Variants in PDZRN4 observed in about 807,000 individuals in gnomAD.
PDZRN4 encodes the protein PDZ domain-containing RING finger protein 4.
In PDZRN4, 70 loss-of-function variants were observed where a neutral mutation model predicts 99.0. That is an observed-to-expected ratio of 0.71 (90% CI 0.58 to 0.86). The LOEUF (loss-of-function observed/expected upper bound fraction) is 0.86, where lower values mean the gene tolerates loss of function less well. Ranked by LOEUF, PDZRN4 falls within the 40% of genes least tolerant of loss-of-function variation. The pLI is 0.00. For missense variants in PDZRN4, 1,474 were observed against 1,331.2 expected, an observed-to-expected ratio of 1.11 and a Z score of -1.67; for synonymous variants, 551 against 501.6, an observed-to-expected ratio of 1.10 and a Z score of -1.32.
rs567640712 is a variant in PDZRN4 at position 41,310,860 on chromosome 12, A to G, written c.843+116672A>G. ...GGCAAGTGGTTCTAACATACATAAA[A>G]GGGTTTTTTGTATGTTCGTAAAGTT... is the stretch of plus-strand genomic sequence containing the variant. On this transcript the variant is annotated intron_variant, in intron 3 of 9. Coordinates refer to ENST00000402685, the MANE Select transcript of PDZRN4 (RefSeq NM_001164595.2). 2.6e-4 allele frequency among the ~76,000 whole-genome samples: 39 copies of G among 152,264 alleles called. 1 individual carries two copies. The highest frequency in any genetic ancestry group is 8.9e-4 in the African/African-American group (37 of 41,570).
intron 3 of PDZRN4, among the ~76,000 whole-genome samples, chr12:41,364,285 C>G (rs1951982378): frequency 6.6e-6 from 1 of 152,010 alleles, no homozygotes; most frequent in Admixed American, 6.6e-5. Flanking sequence ...TAATTATTAT[C>G]CAGTAAGCTT....
intron 3 of PDZRN4, among the ~76,000 whole-genome samples, chr12:41,258,386 G>C (rs1166008105): frequency 1.3e-5 from 2 of 152,116 alleles, no homozygotes; most frequent in African/African-American, 4.8e-5. Context: ...TAGAAAGAGT[G>C]AGACAAAGAC....
At chr12:41,248,101 A>G (rs1014361497) in intron 3 of PDZRN4, among the ~76,000 whole-genome samples, 1 of 152,138 alleles carries the variant, frequency 6.6e-6, no homozygotes, top group Non-Finnish European at 1.5e-5. Context: ...TGATATTTAA[A>G]CCGATGTTGC....
intron 3 of PDZRN4, among the ~76,000 whole-genome samples, chr12:41,209,887 G>T (rs1248023339): frequency 6.7e-6 from 1 of 148,282 alleles, no homozygotes; most frequent in East Asian, 2.0e-4. Flanking sequence ...GGGTCAAATG[G>T]TATTTCTTGT....
Position 41,402,190 on chromosome 12 carries a change from TAC to T in PDZRN4, c.844-104257_844-104256del, listed in dbSNP as rs375050864. 6.4e-3 allele frequency among the ~76,000 whole-genome samples: 112 copies of T among 17,398 alleles called. 10 individuals are homozygous for T. The highest frequency in any genetic ancestry group is 0.028 in the African/African-American group (74 of 2,662). 11.4% of individuals were successfully genotyped at this position (17,398 alleles called of 152,430 possible). ...TATACACACTGAGTATATATATATA[TAC>T]ACACACACTGAGTATACATATATAT... On this transcript the variant is annotated intron_variant, in intron 3 of 9. Transcript: ENST00000402685.
At position 41,573,939 on chromosome 12, in the gene PDZRN4, T is replaced by C; in HGVS notation, c.*49T>C. 1 of 1,310,572 alleles carries C rather than the reference T, an allele frequency of 7.6e-7. No homozygotes were observed. Among genetic ancestry groups the C allele is most frequent in the Non-Finnish European group, 1.0e-6 (1 of 956,804 alleles). The allele number at this position is 1,310,572 out of a possible 1,614,324, so 81.2% of individuals were successfully genotyped here. A position where few individuals can be genotyped will look rare whatever the true frequency, so the allele number is the denominator to read the frequency against. On this transcript the variant is annotated 3_prime_UTR_variant, in exon 10 of 10. Transcript: ENST00000402685. The stretch of plus-strand genomic sequence containing the variant: ...CTGATTTTAGGAGGATGCTACCAGT[T>C]TCGGTAGAGTATGATTGCCTCGTTC...
chr12:41,422,512 T>C (rs1455079005), intron 3 of PDZRN4, among the ~76,000 whole-genome samples: 1 of 152,158 alleles, frequency 6.6e-6, no homozygotes, highest in Non-Finnish European at 1.5e-5. Context: ...CAGTTCCACA[T>C]GACTGGGGAG....
chr12:41,561,431 A>C (rs564027590), intron 7 of PDZRN4, among the ~76,000 whole-genome samples: 2 of 151,854 alleles, frequency 1.3e-5, no homozygotes, highest in African/African-American at 4.8e-5. Flanking sequence ...TGTAATCCTT[A>C]TAAAGACCCT....
intron 3 of PDZRN4, among the ~76,000 whole-genome samples, chr12:41,293,790 G>A (rs61926663): frequency 1.3e-5 from 2 of 152,116 alleles, no homozygotes; most frequent in African/African-American, 4.8e-5. Context: ...ATTAATTTCT[G>A]TAGTGTTTCA....
chr12:41,503,341 T>G (rs973181529), intron 3 of PDZRN4, among the ~76,000 whole-genome samples: 6 of 152,116 alleles, frequency 3.9e-5, no homozygotes, highest in Non-Finnish European at 5.9e-5. Context: ...TAAGATTGTA[T>G]TTGATTGTTC....
chr12:41,349,721 G>A (rs1951877787), intron 3 of PDZRN4, among the ~76,000 whole-genome samples: 1 of 151,838 alleles, frequency 6.6e-6, no homozygotes, highest in African/African-American at 2.4e-5. Flanking sequence ...GAGCTTTCTT[G>A]CTTGGGAGGA....
At position 41,572,733 on chromosome 12, in the gene PDZRN4, A is replaced by G. The variant is rs1206108570; in HGVS notation, c.1954A>G (p.Ile652Val). Residue 652 changes from isoleucine (I) to valine (V), a missense_variant, in exon 10 of 10, where the codon ATT (isoleucine) becomes GTT (valine). Physicochemically the swap from Ile to Val is conservative, Grantham distance 29. Transcript: ENST00000402685. ...TGACCTGTATTACTCAAGCAGCACA[A>G]TTGAATGCAATCAAGGGGAGCAAGA... is the stretch of plus-strand genomic sequence containing the variant. ...EYDLYYSSST[I>V]ECNQGEQEGV... 1.2e-6 allele frequency: 2 copies of G among 1,614,162 alleles called. No individual in the cohort carries two copies. Among genetic ancestry groups the G allele is most frequent in the Non-Finnish European group, 1.7e-6 (2 of 1,180,010 alleles).
At chr12:41,565,792 G>A (rs1939359749) in intron 8 of PDZRN4, among the ~76,000 whole-genome samples, 1 of 152,068 alleles carries the variant, frequency 6.6e-6, no homozygotes, top group African/African-American at 2.4e-5. Context: ...TCAGGACACT[G>A]GGGCAGAGAG....
At position 41,572,483 on chromosome 12, in the gene PDZRN4, A is replaced by G; in HGVS notation, c.1704A>G (p.Ser568=). The change falls in exon 10 of 10, where the codon TCA becomes TCG. Residue 568 remains serine, a synonymous_variant. Transcript: ENST00000402685. Reference sequence around the variant, plus strand: ...AAAGCTTGCGAAATGATGAGAGCTCAGAGCAGGAGAATGCAGCCGAGGACC... The same window carrying G: ...AAAGCTTGCGAAATGATGAGAGCTCGGAGCAGGAGAATGCAGCCGAGGACC... ...TDESLRNDES[S]EQENAAEDPN... 6.2e-7 allele frequency: 1 copy of G among 1,614,158 alleles called. No homozygotes were observed. Among genetic ancestry groups the G allele is most frequent in the Non-Finnish European group, 8.5e-7 (1 of 1,179,996 alleles).
At chr12:41,228,238 T>C (rs568678918) in intron 3 of PDZRN4, among the ~76,000 whole-genome samples, 51 of 152,278 alleles carry the variant, frequency 3.3e-4, no homozygotes, top group Admixed American at 2.8e-3. Context: ...ACTTGAACAG[T>C]GGCAGCCATT....
chr12:41,429,619 T>C (rs1952568587), intron 3 of PDZRN4, among the ~76,000 whole-genome samples: 1 of 151,952 alleles, frequency 6.6e-6, no homozygotes, highest in Non-Finnish European at 1.5e-5. Context: ...ATGCAGATTG[T>C]TTGGGTTTGA....
chr12:41,367,633 C>T (rs1952011210), intron 3 of PDZRN4, among the ~76,000 whole-genome samples: 1 of 152,056 alleles, frequency 6.6e-6, no homozygotes, highest in Non-Finnish European at 1.5e-5. Flanking sequence ...TGAACACTTT[C>T]ACAAGATGAG....
chr12:41,212,338 G>T (rs1340603448), intron 3 of PDZRN4, among the ~76,000 whole-genome samples: 1 of 151,852 alleles, frequency 6.6e-6, no homozygotes, highest in Non-Finnish European at 1.5e-5. Flanking sequence ...CAGTAGTTAT[G>T]CAAGAAGTTT....
intron 3 of PDZRN4, among the ~76,000 whole-genome samples, chr12:41,280,079 T>C (rs1290094206): frequency 1.3e-5 from 2 of 151,978 alleles, no homozygotes; most frequent in East Asian, 3.9e-4. Flanking sequence ...AGAAGCAGGG[T>C]GGGGTGTCGC....
Sources: allele counts gnomAD v4.1 joint callset (sites outside exome capture counted in the v4.1 genomes callset), GRCh38; gene constraint gnomAD v4.1.1; transcripts MANE v1.5; gene names NCBI Gene and HGNC (gene_info 2026-07-23, HGNC 2026-07-21).